SIK3: variants seen among roughly 807,000 people sequenced by gnomAD.
SIK3 encodes SIK family kinase 3, also known as serine/threonine-protein kinase SIK3.
Under a neutral mutation model 144.2 loss-of-function variants are expected in SIK3, and 28 were observed. The ratio of observed to expected loss-of-function variants is 0.19; its 90% CI spans 0.14 to 0.27. SIK3 has a LOEUF of 0.27. Ranked by LOEUF, SIK3 falls within the 10% of genes least tolerant of loss-of-function variation. The pLI is 1.00. For synonymous variants in SIK3, 686 were observed against 676.3 expected (o/e 1.01, Z -0.22); for missense variants, 1,319 against 1,776.0 (o/e 0.74, Z 4.62).
intron 1 of SIK3, among the ~76,000 whole-genome samples, chr11:117,020,733 G>A (rs2135737939): frequency 6.6e-6 from 1 of 152,330 alleles, no homozygotes; most frequent in South Asian, 2.1e-4. Context: ...GGAAGCTCCT[G>A]CGTTCAGTAC....
chr11:116,931,386 C>T (rs570659354), intron 3 of SIK3, among the ~76,000 whole-genome samples: 1 of 152,322 alleles, frequency 6.6e-6, no homozygotes, highest in East Asian at 1.9e-4. Flanking sequence ...CCTAGGCCAG[C>T]TTCAATGGAG....
intron 1 of SIK3, among the ~76,000 whole-genome samples, chr11:117,096,220 T>C (rs911638662): frequency 1.3e-5 from 2 of 152,180 alleles, no homozygotes; most frequent in African/African-American, 4.8e-5. Flanking sequence ...TTCAACCCTG[T>C]CTGTAACAGA....
chr11:117,011,655 T>C (rs1453681505), intron 1 of SIK3, among the ~76,000 whole-genome samples: 1 of 152,194 alleles, frequency 6.6e-6, no homozygotes, highest in Non-Finnish European at 1.5e-5. Flanking sequence ...TAAAAAATTC[T>C]GCAAGGTATA....
At chr11:116,885,403 T>C (rs1944759721) in intron 6 of SIK3, among the ~76,000 whole-genome samples, 1 of 152,250 alleles carries the variant, frequency 6.6e-6, no homozygotes, top group Admixed American at 6.5e-5. Context: ...TCAGTTTTTC[T>C]AGGTGGGCAT....
intron 3 of SIK3, among the ~76,000 whole-genome samples, chr11:116,938,080 C>T (rs1228098896): frequency 1.3e-5 from 2 of 151,686 alleles, no homozygotes; most frequent in African/African-American, 4.8e-5. Context: ...TGGCGTGTGC[C>T]TGTAGTCCCA....
intron 4 of SIK3, among the ~76,000 whole-genome samples, 154 bp from the exon 5 acceptor site, chr11:116,897,471 CAAT>C (rs1295988781): frequency 2.0e-5 from 3 of 152,284 alleles, no homozygotes; most frequent in South Asian, 2.1e-4. Context: ...ACACTTAAAA[CAAT>C]AATAGTGAAA....
At chr11:116,887,245 TAAA>T (rs5795056) in intron 6 of SIK3, among the ~76,000 whole-genome samples, 8,629 of 103,590 alleles carry the variant, frequency 0.083, 314 homozygotes, top group Middle Eastern at 0.16. Context: ...GTCTCTACAC[TAAA>T]AAAAAAAAAA....
At position 116,903,909 on chromosome 11, in the gene SIK3, T is replaced by C. The variant is rs528644581; in HGVS notation, c.617-6592A>G. Among the ~76,000 whole-genome samples, 9 of 152,316 alleles carry C rather than the reference T, an allele frequency of 5.9e-5. No individual in the cohort carries two copies. The South Asian group carries it at 1.7e-3, about 28-fold the overall frequency. ...CCAAGAAAAGCTTTAGAGCTTAAGTTTGATCTGAACTTGAACCTAGAAAAC... is the reference window on the plus strand; with the variant it reads ...CCAAGAAAAGCTTTAGAGCTTAAGTCTGATCTGAACTTGAACCTAGAAAAC... On this transcript the variant is annotated intron_variant, in intron 4 of 24. Transcript: ENST00000445177.
At chr11:116,909,759 C>T (rs945083668) in intron 4 of SIK3, among the ~76,000 whole-genome samples, 5 of 152,096 alleles carry the variant, frequency 3.3e-5, no homozygotes, top group Non-Finnish European at 7.4e-5. Context: ...TAAAACAACT[C>T]ACTGACTAAC....
chr11:116,885,392 A>G (rs1226229514), intron 6 of SIK3, among the ~76,000 whole-genome samples: 1 of 152,214 alleles, frequency 6.6e-6, no homozygotes, highest in Non-Finnish European at 1.5e-5. Context: ...CTTACTTTCG[A>G]TCAGTTTTTC....
chr11:116,926,622 T>C (rs1407452333), intron 4 of SIK3, among the ~76,000 whole-genome samples: 1 of 152,212 alleles, frequency 6.6e-6, no homozygotes, highest in Non-Finnish European at 1.5e-5. Context: ...CTTTATTACA[T>C]ATTTTATTTC....
chr11:117,020,246 T>TATACATATATATATATATACACAC, intron 1 of SIK3, among the ~76,000 whole-genome samples: 1 of 127,292 alleles, frequency 7.9e-6, no homozygotes, highest in South Asian at 2.6e-4. Context: ...CATATATATA[T>TATACATATATATATATATACACAC]ACACATACAT....
At position 116,875,903 on chromosome 11, in the gene SIK3, G is replaced by A. The variant is rs770399888; in HGVS notation, c.1202C>T (p.Pro401Leu). 3.1e-6 allele frequency: 5 copies of A among 1,610,544 alleles called. No individual in the cohort carries two copies. Among genetic ancestry groups the A allele is most frequent in the South Asian group, 1.1e-5 (1 of 90,860 alleles). The change falls in exon 9 of 25, where the codon CCC becomes CTC. Residue 401 changes from proline (P) to leucine (L), a missense_variant. By Grantham distance (98) the Pro-to-Leu change is moderately conservative (BLOSUM62 -3). This residue lies in a region of SIK3 where 109 missense variants were observed against 109.3 expected (regional missense o/e 1.00). Coordinates refer to ENST00000445177, the MANE Select transcript of SIK3 (RefSeq NM_001366686.3). Reference sequence around the variant, plus strand: ...TGGTGCTTGAAAGGCCAGGGCTCGGGGCATGCTAGGAAGTGCTCCGAGACG... The same window carrying A: ...TGGTGCTTGAAAGGCCAGGGCTCGGAGCATGCTAGGAAGTGCTCCGAGACG... ...TLRLGALPSM[P>L]RALAFQAPVN...
chr11:117,040,133 G>A (rs968822067), intron 1 of SIK3, among the ~76,000 whole-genome samples: 1 of 152,140 alleles, frequency 6.6e-6, no homozygotes, highest in Non-Finnish European at 1.5e-5. Context: ...CACAGATGAT[G>A]GGCCCTCTTT....
In SIK3 at chr11:116,948,487, T is replaced by C. The variant is rs547270109; in HGVS notation, c.454+5557A>G. Among the ~76,000 whole-genome samples, 10 of 152,068 alleles carry C rather than the reference T, an allele frequency of 6.6e-5. No individual in the cohort carries two copies. In the South Asian group the frequency reaches 2.1e-3, roughly 32 times the overall value. On this transcript the variant is annotated intron_variant, in intron 3 of 24. Coordinates refer to ENST00000445177, the MANE Select transcript of SIK3 (RefSeq NM_001366686.3). ...AAATGAGGTCTCACTATGTTGTCCA[T>C]GCTGGTACTGAACTCCTGGGCTAAA...
At chr11:116,984,149 G>T (rs1950248504) in intron 1 of SIK3, among the ~76,000 whole-genome samples, 1 of 151,984 alleles carries the variant, frequency 6.6e-6, no homozygotes, top group African/African-American at 2.4e-5. Flanking sequence ...AAACCACTGG[G>T]ATAAGAACTT....
At chr11:117,039,723 T>C (rs961980778) in intron 1 of SIK3, among the ~76,000 whole-genome samples, 4 of 152,226 alleles carry the variant, frequency 2.6e-5, no homozygotes, top group African/African-American at 9.6e-5. Flanking sequence ...GTAGGTACTA[T>C]AGCTAAGTGC....
chr11:116,953,764 C>G (rs557789404), intron 3 of SIK3, among the ~76,000 whole-genome samples: 74 of 152,336 alleles, frequency 4.9e-4, no homozygotes, highest in African/African-American at 1.8e-3. Context: ...GACCCTAAGT[C>G]CCACGTTCAG....
intron 4 of SIK3, among the ~76,000 whole-genome samples, chr11:116,921,330 G>T (rs1946960615): frequency 1.3e-5 from 2 of 152,058 alleles, no homozygotes; most frequent in Admixed American, 6.6e-5. Context: ...CATAATTTTG[G>T]TGTTACCAAC....
Sources: allele counts gnomAD v4.1 joint callset (sites outside exome capture counted in the v4.1 genomes callset), GRCh38; gene constraint gnomAD v4.1.1; regional missense constraint gnomAD v4.1.1; transcripts MANE v1.5; gene names NCBI Gene and HGNC (gene_info 2026-07-23, HGNC 2026-07-21).